IFT74: variants seen among roughly 807,000 people sequenced by gnomAD.
The protein encoded by IFT74 is intraflagellar transport protein 74 homolog.
Under a neutral mutation model 96.7 loss-of-function variants are expected in IFT74, and 92 were observed. The ratio of observed to expected loss-of-function variants is 0.95; its 90% confidence interval spans 0.80 to 1.13. IFT74 has a LOEUF of 1.13. Among genes scored for constraint, IFT74 ranks in the 50% most tolerant of loss-of-function variants. The pLI, the probability that IFT74 is intolerant of heterozygous loss-of-function variation, is 0.00. For missense variants in IFT74, 811 were observed against 698.2 expected (o/e 1.16, Z -1.82); for synonymous variants, 223 against 213.2 (o/e 1.05, Z -0.40).
At chr9:26,981,643 C>A (rs1827380242) in intron 4 of IFT74, among the ~76,000 whole-genome samples, 1 of 152,168 alleles carries the variant, frequency 6.6e-6, no homozygotes, top group Non-Finnish European at 1.5e-5. Context: ...TTGTCTCGAA[C>A]TCCTGACCTC....
chr9:26,967,162 G>T (rs2131496356), intron 2 of IFT74, among the ~76,000 whole-genome samples: 1 of 150,906 alleles, frequency 6.6e-6, no homozygotes, highest in South Asian at 2.1e-4. Context: ...GACAAGGATT[G>T]CATTGAATTT....
At chr9:27,006,854 T>TTTTTG (rs1828812020) in intron 8 of IFT74, among the ~76,000 whole-genome samples, 1 of 110,384 alleles carries the variant, frequency 9.1e-6, no homozygotes, top group Non-Finnish European at 2.0e-5. Flanking sequence ...TTTTTTTTTT[T>TTTTTG]GAGATGGAGT....
intron 13 of IFT74, among the ~76,000 whole-genome samples, chr9:27,034,358 G>T (rs1830257951): frequency 6.6e-6 from 1 of 152,244 alleles, no homozygotes; most frequent in African/African-American, 2.4e-5. Flanking sequence ...TAATATATAT[G>T]TGTCATTCAA....
At chr9:26,959,282 G>C (rs1036428442) in intron 1 of IFT74, among the ~76,000 whole-genome samples, 4 of 152,076 alleles carry the variant, frequency 2.6e-5, no homozygotes, top group Admixed American at 1.3e-4. Flanking sequence ...CTAATTTTTT[G>C]TATTTTTTAG....
intron 8 of IFT74, chr9:26,997,594 A>C (rs1828232587): frequency 2.1e-6 from 2 of 934,388 alleles, no homozygotes; most frequent in Non-Finnish European, 3.1e-6. Context: ...TTGGCCTCCC[A>C]TAGTGATGGG....
chr9:26,963,991 G>T (rs1218975333), intron 2 of IFT74, among the ~76,000 whole-genome samples: 1 of 151,172 alleles, frequency 6.6e-6, no homozygotes, highest in Admixed American at 6.6e-5. Flanking sequence ...GTCAATTTTG[G>T]CTTTTGTTGC....
chr9:27,020,297 C>T (rs1286664492), intron 12 of IFT74, among the ~76,000 whole-genome samples: 1 of 152,022 alleles, frequency 6.6e-6, no homozygotes, highest in Non-Finnish European at 1.5e-5. Context: ...CTAGTATCAG[C>T]TGAATTGCAG....
chr9:26,982,582 A>T (rs2131536249), intron 4 of IFT74, among the ~76,000 whole-genome samples: 1 of 150,698 alleles, frequency 6.6e-6, no homozygotes, highest in East Asian at 2.0e-4. Context: ...CAGCCTCCCG[A>T]GTAGCTGGGA....
At chr9:26,975,864 G>A (rs367982327) in intron 2 of IFT74, among the ~76,000 whole-genome samples, 2 of 152,082 alleles carry the variant, frequency 1.3e-5, no homozygotes, top group East Asian at 1.9e-4. Context: ...TCCTTCTTTC[G>A]CTTTTTCCAC....
intron 8 of IFT74, chr9:26,998,092 C>A: frequency 6.2e-7 from 1 of 1,613,408 alleles, no homozygotes; most frequent in Non-Finnish European, 8.5e-7. Flanking sequence ...TCAAATAGAG[C>A]TCTGTGAGTA....
rs144276092 is a variant in IFT74, at chr9:26,997,977, C to T, written c.587+7782C>T. The T allele has an allele frequency of 9.0e-5, 145 of 1,613,846 alleles. 3 individuals carry two copies. The African/African-American group carries it at 1.2e-3, about 13-fold the overall frequency. ...TTTAGTTTATTTAAGCCTAAAAATG[C>T]ACCCTGTTGAATTACATAGATGGAG... On this transcript the variant is annotated intron_variant, in intron 8 of 19. Transcript: ENST00000380062.
intron 7 of IFT74, 88 bp downstream of exon 7, chr9:26,988,816 C>T (rs1827748201): frequency 8.3e-7 from 1 of 1,209,916 alleles, no homozygotes; most frequent in Non-Finnish European, 1.1e-6. Flanking sequence ...TTGATAAAAC[C>T]TTAAGTGCTA....
At chr9:27,000,602 A>G (rs1828430266) in intron 8 of IFT74, among the ~76,000 whole-genome samples, 1 of 152,230 alleles carries the variant, frequency 6.6e-6, no homozygotes, top group Admixed American at 6.5e-5. Flanking sequence ...TACTTGGGAT[A>G]TCCAACACGT....
chr9:26,948,464 T>A (rs968193140), intron 1 of IFT74, among the ~76,000 whole-genome samples: 8,963 of 86,954 alleles, frequency 0.1, 1,168 homozygotes, highest in East Asian at 0.59. Context: ...TTTTTTTTTT[T>A]TTTTTTTTTT....
chr9:27,031,499 A>G (rs1830121347), intron 13 of IFT74, among the ~76,000 whole-genome samples: 1 of 151,546 alleles, frequency 6.6e-6, no homozygotes, highest in Non-Finnish European at 1.5e-5. Flanking sequence ...TATTCTTACT[A>G]CAGATTAATA....
chr9:27,018,756 G>A (rs1829468190), intron 12 of IFT74, 69 bp downstream of exon 12: 1 of 926,594 alleles, frequency 1.1e-6, no homozygotes. Context: ...TAAAGGTACA[G>A]GAGTGGCTTT....
At chr9:27,043,871 A>ATTATCCTGACAACTTTCTAACTGG (rs1460610825) in intron 13 of IFT74, among the ~76,000 whole-genome samples, 54 of 152,178 alleles carry the variant, frequency 3.5e-4, no homozygotes, top group South Asian at 8.3e-4. Flanking sequence ...TTTCACCCAG[A>ATTATCCTGACAACTTTCTAACTGG]TTATCCTGAC....
intron 2 of IFT74, among the ~76,000 whole-genome samples, chr9:26,967,916 G>C (rs1344684272): frequency 6.6e-6 from 1 of 152,034 alleles, no homozygotes; most frequent in Non-Finnish European, 1.5e-5. Flanking sequence ...ACTATCTTTA[G>C]TTACCTGGGG....
At chr9:27,037,109 A>G (rs1819240991) in intron 13 of IFT74, among the ~76,000 whole-genome samples, 2 of 151,734 alleles carry the variant, frequency 1.3e-5, no homozygotes, top group African/African-American at 2.4e-5. Flanking sequence ...AATCCCAGCT[A>G]CTAGGGAGGC....
Sources: gnomAD v4.1 joint callset for allele counts (sites outside exome capture counted in the v4.1 genomes callset) on GRCh38, gnomAD v4.1.1 for gene constraint, MANE v1.5 for transcripts, NCBI Gene and HGNC (gene_info 2026-07-23, HGNC 2026-07-21) for gene names.